The following ZNF536 variants were observed in gnomAD, a reference collection of about 807,000 sequenced individuals.
The protein encoded by ZNF536 is zinc finger protein 536.
A neutral mutation model predicts 84.5 loss-of-function variants in ZNF536; 13 were observed. That is an observed-to-expected ratio of 0.15 (90% CI 0.10 to 0.24). The LOEUF (loss-of-function observed/expected upper bound fraction) is 0.24, where lower values mean the gene tolerates loss of function less well. Ranked by LOEUF, ZNF536 falls within the 10% of genes least tolerant of loss-of-function variation. The pLI is 1.00. For synonymous variants in ZNF536, 811 were observed against 742.5 expected (o/e 1.09, Z -1.50); for missense variants, 1,536 against 1,747.5 (o/e 0.88, Z 2.16).
chr19:30,376,110 C>T (rs907940062), intron 1 of ZNF536, among the ~76,000 whole-genome samples: 1 of 152,064 alleles, frequency 6.6e-6, no homozygotes, highest in South Asian at 2.1e-4. Flanking sequence ...TGCTGTAGCG[C>T]CCTCTCCCTC....
At chr19:30,627,718 C>T (rs2048739011) in intron 1 of ZNF536, among the ~76,000 whole-genome samples, 1 of 152,192 alleles carries the variant, frequency 6.6e-6, no homozygotes, top group African/African-American at 2.4e-5. Flanking sequence ...ATGCGCTGAG[C>T]TGTAGAAGAC....
chr19:30,281,517 A>T (rs1600055424), intron 1 of ZNF536, among the ~76,000 whole-genome samples: 1 of 117,022 alleles, frequency 8.5e-6, no homozygotes, highest in African/African-American at 3.2e-5. Flanking sequence ...GATGGGTGGT[A>T]TCTGATGGGC....
chr19:30,575,528 T>A (rs2046698902), intron 1 of ZNF536, among the ~76,000 whole-genome samples: 1 of 152,228 alleles, frequency 6.6e-6, no homozygotes, highest in South Asian at 2.1e-4. Context: ...AGCAAATATT[T>A]CCTGATGGTT....
chr19:30,578,649 C>A (rs775048155), intron 1 of ZNF536, among the ~76,000 whole-genome samples: 1 of 152,216 alleles, frequency 6.6e-6, no homozygotes, highest in Non-Finnish European at 1.5e-5. Flanking sequence ...AGAATACTCA[C>A]GTGCATCTTT....
chr19:30,420,903 C>T (rs1422593179), intron 1 of ZNF536, among the ~76,000 whole-genome samples: 1 of 152,204 alleles, frequency 6.6e-6, no homozygotes, highest in African/African-American at 2.4e-5. Flanking sequence ...ACAACTAGAA[C>T]TTTAGCCTGC....
intron 1 of ZNF536, among the ~76,000 whole-genome samples, chr19:30,580,985 C>T (rs2046901005): frequency 6.6e-6 from 1 of 152,192 alleles, no homozygotes; most frequent in Non-Finnish European, 1.5e-5. Context: ...AGTGATTTTC[C>T]TAGAAGAATT....
chr19:30,460,850 T>G (rs2053101315), intron 2 of ZNF536, among the ~76,000 whole-genome samples: 1 of 152,156 alleles, frequency 6.6e-6, no homozygotes, highest in South Asian at 2.1e-4. Context: ...GGATTGCGAC[T>G]CAGGGTGCAG....
At chr19:30,282,998 G>A (rs747372382) in intron 1 of ZNF536, among the ~76,000 whole-genome samples, 15 of 152,290 alleles carry the variant, frequency 9.8e-5, no homozygotes, top group Non-Finnish European at 1.8e-4. Context: ...CACATTTTTG[G>A]TTGCCAGAAA....
chr19:30,423,417 G>A (rs1328177356), intron 1 of ZNF536, among the ~76,000 whole-genome samples: 1 of 152,206 alleles, frequency 6.6e-6, no homozygotes, highest in Non-Finnish European at 1.5e-5. Flanking sequence ...AGTAATAATA[G>A]AAGGAGACAT....
chr19:30,326,396 T>C (rs746091902), intron 2 of ZNF536, among the ~76,000 whole-genome samples: 4 of 152,184 alleles, frequency 2.6e-5, no homozygotes, highest in Non-Finnish European at 5.9e-5. Flanking sequence ...GGGTGCTAAT[T>C]TGGGGCTGAG....
At chr19:30,473,865 C>G (rs2053740443) in intron 2 of ZNF536, among the ~76,000 whole-genome samples, 1 of 152,186 alleles carries the variant, frequency 6.6e-6, no homozygotes, top group Non-Finnish European at 1.5e-5. Flanking sequence ...ATCAAACTGA[C>G]CAGGGTCCAG....
intron 1 of ZNF536, among the ~76,000 whole-genome samples, chr19:30,264,966 T>TGTGTGTGTGTGAGAGA (rs59889852): frequency 3.7e-4 from 50 of 133,848 alleles, no homozygotes; most frequent in Middle Eastern, 3.9e-3. Flanking sequence ...TGTGTGTGTG[T>TGTGTGTGTGTGAGAGA]GAGAGAGAGA....
At chr19:30,657,528 T>A (rs893503395) in intron 1 of ZNF536, among the ~76,000 whole-genome samples, 7 of 152,176 alleles carry the variant, frequency 4.6e-5, no homozygotes, top group South Asian at 4.1e-4. Context: ...TGACCCTCTC[T>A]CCCTTCTTTG....
intron 1 of ZNF536, among the ~76,000 whole-genome samples, chr19:30,585,456 A>G (rs1388344124): frequency 6.6e-6 from 1 of 152,206 alleles, no homozygotes; most frequent in African/African-American, 2.4e-5. Flanking sequence ...CAAGCTTGAC[A>G]AGCTCGGCTA....
At chr19:30,701,658 C>T (rs757947995) in intron 1 of ZNF536, among the ~76,000 whole-genome samples, 1 of 152,236 alleles carries the variant, frequency 6.6e-6, no homozygotes, top group Non-Finnish European at 1.5e-5. Flanking sequence ...TTTGTAGAGA[C>T]TCTTCCAGCA....
At chr19:30,371,557 T>G (rs2048611453), upstream of ZNF536, among the ~76,000 whole-genome samples, 1 of 72,834 alleles carries the variant, frequency 1.4e-5, no homozygotes, top group Non-Finnish European at 2.8e-5. Flanking sequence ...TGTCTTTTCT[T>G]GTTTTTTTTT....
At chr19:30,645,535 T>A (rs1414770014) in intron 1 of ZNF536, among the ~76,000 whole-genome samples, 1 of 152,244 alleles carries the variant, frequency 6.6e-6, no homozygotes, top group Non-Finnish European at 1.5e-5. Context: ...ACATGTATCC[T>A]TCATTTTGCA....
chr19:30,258,316 A>C (rs891481655), intron 1 of ZNF536, among the ~76,000 whole-genome samples: 3 of 152,190 alleles, frequency 2.0e-5, no homozygotes, highest in African/African-American at 7.2e-5. Context: ...CTCTTGTTAA[A>C]CGTGAGAAAA....
At chr19:30,449,858 A>G (rs1301973729) in intron 2 of ZNF536, among the ~76,000 whole-genome samples, 1 of 152,148 alleles carries the variant, frequency 6.6e-6, no homozygotes, top group Non-Finnish European at 1.5e-5. Context: ...CACAGCATCA[A>G]AGGCCTTTAT....
Sources: gnomAD v4.1 joint callset for allele counts (sites outside exome capture counted in the v4.1 genomes callset) on GRCh38, gnomAD v4.1.1 for gene constraint, MANE v1.5 for transcripts, NCBI Gene and HGNC (gene_info 2026-07-23, HGNC 2026-07-21) for gene names.